Variants in FOXP1 observed in about 807,000 individuals in gnomAD.
FOXP1 encodes the protein forkhead box P1.
In FOXP1, 15 loss-of-function variants were observed where a neutral mutation model predicts 98.2. The ratio of observed to expected loss-of-function variants is 0.15; its 90% CI spans 0.10 to 0.24. The LOEUF is 0.24. Ranked by LOEUF, FOXP1 falls within the 10% of genes least tolerant of loss-of-function variation. The pLI, the probability that FOXP1 is intolerant of heterozygous loss-of-function variation, is 1.00. For synonymous variants in FOXP1, 371 were observed against 314.5 expected (o/e 1.18, Z -1.90); for missense variants, 633 against 848.5 (o/e 0.75, Z 3.15).
chr3:71,046,744 C>A (rs745699845), intron 10 of FOXP1, among the ~76,000 whole-genome samples, 198 bp downstream of exon 10: 5 of 152,176 alleles, frequency 3.3e-5, no homozygotes, highest in African/African-American at 1.2e-4. Flanking sequence ...GCCTTCAGAC[C>A]ACCCTGAGAC....
At chr3:71,489,338 T>A (rs2090897897) in intron 3 of FOXP1, among the ~76,000 whole-genome samples, 1 of 152,126 alleles carries the variant, frequency 6.6e-6, no homozygotes, top group Non-Finnish European at 1.5e-5. Flanking sequence ...AAATAACACA[T>A]AACAATGAAT....
intron 3 of FOXP1, among the ~76,000 whole-genome samples, chr3:71,418,486 G>C (rs931455892): frequency 6.6e-6 from 1 of 152,164 alleles, no homozygotes; most frequent in Non-Finnish European, 1.5e-5. Flanking sequence ...AATGGCAAGG[G>C]TAGAAAACAA....
At chr3:71,479,615 G>T (rs1409988065) in intron 3 of FOXP1, among the ~76,000 whole-genome samples, 2 of 149,214 alleles carry the variant, frequency 1.3e-5, no homozygotes, top group African/African-American at 2.5e-5. Context: ...GGAGGTGGAG[G>T]CTGCAATGAG....
At chr3:71,329,846 T>G (rs778164796) in intron 4 of FOXP1, 3 of 152,160 alleles carry the variant, frequency 2.0e-5, no homozygotes, top group Non-Finnish European at 4.4e-5. Context: ...ATGTTAATAT[T>G]TGATATCAGA....
At chr3:71,141,198 G>A (rs777644324) in intron 6 of FOXP1, among the ~76,000 whole-genome samples, 7 of 150,694 alleles carry the variant, frequency 4.6e-5, no homozygotes, top group African/African-American at 7.4e-5. Context: ...AACCCGGAAG[G>A]TGGAGGTTGC....
chr3:71,450,314 G>C (rs2086823898), intron 3 of FOXP1, among the ~76,000 whole-genome samples: 1 of 152,210 alleles, frequency 6.6e-6, no homozygotes, highest in Non-Finnish European at 1.5e-5. Context: ...TATCAGAACA[G>C]AAACTCTACA....
At chr3:71,336,925 C>T (rs1450719044) in intron 4 of FOXP1, among the ~76,000 whole-genome samples, 1 of 152,144 alleles carries the variant, frequency 6.6e-6, no homozygotes, top group Non-Finnish European at 1.5e-5. Context: ...AACTTCCAGG[C>T]TCTGGGGAAC....
chr3:71,262,286 A>C (rs977003523), intron 5 of FOXP1, among the ~76,000 whole-genome samples: 2 of 147,808 alleles, frequency 1.4e-5, no homozygotes, highest in African/African-American at 5.0e-5. Flanking sequence ...AAAAAAAAAA[A>C]AAAAAAAAAA....
intron 2 of FOXP1, among the ~76,000 whole-genome samples, chr3:71,535,104 T>C (rs1456367304): frequency 6.6e-6 from 1 of 152,132 alleles, no homozygotes; most frequent in Admixed American, 6.6e-5. Flanking sequence ...GATGAGCAAA[T>C]GCCCGGGAGC....
chr3:71,543,737 C>A (rs1425849201), intron 2 of FOXP1, among the ~76,000 whole-genome samples: 1 of 152,230 alleles, frequency 6.6e-6, no homozygotes, highest in African/African-American at 2.4e-5. Context: ...GAGCTGCAGG[C>A]CTATATCCCT....
In FOXP1 at chr3:71,056,062, G is replaced by A. The variant is rs186709924; in HGVS notation, c.283-2289C>T. Among the ~76,000 whole-genome samples, 5 of 152,252 alleles carry A rather than the reference G, an allele frequency of 3.3e-5. No homozygotes were observed. In the South Asian group the frequency reaches 8.3e-4, roughly 25 times the overall value. ...GGGGCACAGGTGAACTTTTGGGGGC[G>A]ATGGAAATGTCCATATCTCGAGTGA... On this transcript the variant is annotated intron_variant, in intron 7 of 20. Coordinates refer to ENST00000649528, the MANE Select transcript of FOXP1 (RefSeq NM_001349338.3).
chr3:71,567,703 A>G (rs904254103), intron 2 of FOXP1, among the ~76,000 whole-genome samples: 1 of 152,174 alleles, frequency 6.6e-6, no homozygotes, highest in Non-Finnish European at 1.5e-5. Flanking sequence ...ATTAGCTTGC[A>G]ATTCCTGAAA....
intron 6 of FOXP1, among the ~76,000 whole-genome samples, chr3:71,197,718 T>C (rs769795823): frequency 3.3e-5 from 5 of 152,242 alleles, no homozygotes; most frequent in African/African-American, 4.8e-5. Context: ...ATGTTTTGGC[T>C]GTTATCTCGC....
rs587780339 is a variant in FOXP1, at chr3:71,198,284, C to T, written c.98G>A (p.Arg33Gln). 4.3e-6 allele frequency: 7 copies of T among 1,614,060 alleles called. No individual in the cohort carries two copies. Among genetic ancestry groups the T allele is most frequent in the Admixed American group, 1.7e-5 (1 of 60,008 alleles). ...CGTCTCTCCGTTGGACCGCCCCTCC[C>T]GAAGACCGCCGCACTCTAGTAAGTG... ...SNHLLECGGL[R>Q]EGRSNGETPA... The change falls in exon 6 of 21, where the codon CGG (arginine) becomes CAG (glutamine). Residue 33 changes from arginine (R) to glutamine (Q), a missense_variant. Arg to Gln is a conservative substitution (Grantham distance 43). This residue lies in a region of FOXP1 where 103 missense variants were observed against 85.5 expected (regional missense o/e 1.20). Coordinates refer to ENST00000649528, the MANE Select transcript of FOXP1 (RefSeq NM_001349338.3).
intron 18 of FOXP1, 157 bp downstream of exon 18, chr3:70,972,398 A>G: frequency 8.9e-7 from 1 of 1,129,734 alleles, no homozygotes; most frequent in East Asian, 2.4e-5. Context: ...TGGTGGGTAT[A>G]CAAAACAGGA....
At chr3:71,436,706 G>C (rs559612168) in intron 3 of FOXP1, among the ~76,000 whole-genome samples, 1 of 152,200 alleles carries the variant, frequency 6.6e-6, no homozygotes, top group South Asian at 2.1e-4. Context: ...ACCAAGTCTG[G>C]AGCACATCCT....
chr3:70,978,215 A>G (rs972102318), intron 14 of FOXP1, among the ~76,000 whole-genome samples, 186 bp from the exon 15 acceptor site: 5 of 152,170 alleles, frequency 3.3e-5, no homozygotes, highest in African/African-American at 1.2e-4. Flanking sequence ...GCAGTGTAAG[A>G]TATCTCTGGC....
chr3:71,484,588 T>A (rs2090520051), intron 3 of FOXP1, among the ~76,000 whole-genome samples: 1 of 152,198 alleles, frequency 6.6e-6, no homozygotes, highest in Admixed American at 6.5e-5. Context: ...GCCAATAGTG[T>A]GGATGACACC....
rs1005178695 is a variant in FOXP1 at position 71,179,254 on chromosome 3, G to A, written c.180+18948C>T. ...AGCGATTCTCCTGCCTCAGCCTCCC[G>A]AGTAGCTGGGATTACAGGTGCCTGC... is the stretch of plus-strand genomic sequence containing the variant. On this transcript the variant is annotated intron_variant, in intron 6 of 20. Coordinates refer to ENST00000649528, the MANE Select transcript of FOXP1 (RefSeq NM_001349338.3). Among the ~76,000 whole-genome samples the A allele has an allele frequency of 3.4e-5, 5 of 149,172 alleles. No homozygotes were observed. In the East Asian group the frequency reaches 6.1e-4, roughly 18 times the overall value.
Sources: gnomAD v4.1 joint callset for allele counts (sites outside exome capture counted in the v4.1 genomes callset) on GRCh38, gnomAD v4.1.1 for gene constraint, gnomAD v4.1.1 regional missense constraint, MANE v1.5 for transcripts, NCBI Gene and HGNC (gene_info 2026-07-23, HGNC 2026-07-21) for gene names.